CUEDC1: variants seen among roughly 807,000 people sequenced by gnomAD.
The protein encoded by CUEDC1 is CUE domain-containing protein 1.
In CUEDC1, 30 loss-of-function variants were observed where a neutral mutation model predicts 43.7. The ratio of observed to expected loss-of-function variants is 0.69; its 90% CI spans 0.51 to 0.93. CUEDC1 has a LOEUF of 0.93. Ranked by LOEUF, CUEDC1 falls within the 40% of genes least tolerant of loss-of-function variation. CUEDC1 has a pLI of 0.00. For missense variants in CUEDC1, 486 were observed against 549.0 expected (o/e 0.89, Z 1.15); for synonymous variants, 223 against 223.6 (o/e 1.00, Z 0.02).
At chr17:57,898,605 A>G (rs962198436) in intron 1 of CUEDC1, among the ~76,000 whole-genome samples, 1 of 152,204 alleles carries the variant, frequency 6.6e-6, no homozygotes, top group East Asian at 1.9e-4. Flanking sequence ...GGAAGCTGTC[A>G]GTCAGAGGCA....
At position 57,868,164 on chromosome 17, in the gene CUEDC1, C is replaced by T. The variant is rs1277833601; in HGVS notation, c.1020G>A (p.Leu340=). Residue 340 remains leucine (L), a synonymous_variant, in exon 8 of 11, where the codon TTG becomes TTA. Transcript: ENST00000577830. The part of the protein sequence containing the change: ...TKMRKSKRKH[L]LKHQSLGAAA... Reference sequence around the variant, plus strand: ...GGAAAGGATACGACTGATGCTTCAACAAGTGTTTCCTCTTTGACTTCCTCA... The same window carrying T: ...GGAAAGGATACGACTGATGCTTCAATAAGTGTTTCCTCTTTGACTTCCTCA... The T allele has an allele frequency of 1.2e-6, 2 of 1,614,120 alleles. No homozygotes were observed. Among genetic ancestry groups the T allele is most frequent in the Non-Finnish European group, 8.5e-7 (1 of 1,179,928 alleles).
chr17:57,938,212 C>T (rs1445694845), intron 1 of CUEDC1, among the ~76,000 whole-genome samples: 1 of 152,208 alleles, frequency 6.6e-6, no homozygotes, highest in African/African-American at 2.4e-5. Context: ...TCCGGCCTAA[C>T]ATCCTTTCTC....
intron 1 of CUEDC1, among the ~76,000 whole-genome samples, chr17:57,928,556 A>C (rs1306835512): frequency 6.6e-6 from 1 of 151,294 alleles, no homozygotes; most frequent in Non-Finnish European, 1.5e-5. Flanking sequence ...CAAAAAAAAA[A>C]AAAAAAAAGA....
At chr17:57,924,212 T>C (rs1382636057) in intron 1 of CUEDC1, among the ~76,000 whole-genome samples, 1 of 152,140 alleles carries the variant, frequency 6.6e-6, no homozygotes, top group Non-Finnish European at 1.5e-5. Context: ...TTCAAGCGAT[T>C]TTTATGCCTC....
intron 1 of CUEDC1, among the ~76,000 whole-genome samples, chr17:57,905,249 GACACAC>G (rs761744709): frequency 1.5e-3 from 193 of 128,006 alleles, no homozygotes; most frequent in Middle Eastern, 4.0e-3. Context: ...CTCTCTCTCT[GACACAC>G]ACACACACAC....
At chr17:57,903,236 C>T (rs2074493233) in intron 1 of CUEDC1, 1 of 152,512 alleles carries the variant, frequency 6.6e-6, no homozygotes, top group Non-Finnish European at 1.5e-5. Context: ...CACAGCAGTC[C>T]CAGGCCAGGA....
intron 3 of CUEDC1, among the ~76,000 whole-genome samples, 195 bp from the exon 4 acceptor site, chr17:57,873,912 G>A (rs2074073081): frequency 6.6e-6 from 1 of 152,180 alleles, no homozygotes; most frequent in Non-Finnish European, 1.5e-5. Context: ...GAACTCCCCA[G>A]CCATTCATGC....
chr17:57,865,992 T>G (rs1373716152), intron 10 of CUEDC1, among the ~76,000 whole-genome samples: 3 of 152,112 alleles, frequency 2.0e-5, no homozygotes, highest in Admixed American at 1.3e-4. Flanking sequence ...CAGGCTAATT[T>G]TTGTATTTTT....
At chr17:57,926,704 C>T (rs900413538) in intron 1 of CUEDC1, among the ~76,000 whole-genome samples, 4 of 152,160 alleles carry the variant, frequency 2.6e-5, no homozygotes, top group Admixed American at 2.0e-4. Context: ...TTAAGATGCA[C>T]GGGAAGTCAT....
rs974183893 is a variant in CUEDC1 at position 57,867,411 on chromosome 17, C to G, written c.1039G>C (p.Gly347Arg). The change falls in exon 9 of 11, where the codon GGG (glycine) becomes CGG (arginine). Residue 347 changes from glycine to arginine, a missense_variant. By Grantham distance (125) the Gly-to-Arg change is moderately radical. Transcript: ENST00000577830. ...RKHLLKHQSL[G>R]AAASTANLLD... Reference sequence around the variant, plus strand: ...AGGTTGGCTGTTGACGCGGCAGCCCCCAGCCTGCCAGGCCATTCAGGAAAA... The same window carrying G: ...AGGTTGGCTGTTGACGCGGCAGCCCGCAGCCTGCCAGGCCATTCAGGAAAA... 1.3e-6 allele frequency: 2 copies of G among 1,552,350 alleles called. No individual in the cohort carries two copies. The highest frequency in any genetic ancestry group is 2.7e-5 in the African/African-American group (2 of 73,108).
chr17:57,919,410 C>T (rs2074677878), intron 1 of CUEDC1, among the ~76,000 whole-genome samples: 1 of 152,130 alleles, frequency 6.6e-6, no homozygotes, highest in Non-Finnish European at 1.5e-5. Flanking sequence ...GAACTCCTGA[C>T]TTCAAGTGAT....
intron 1 of CUEDC1, among the ~76,000 whole-genome samples, chr17:57,904,253 G>A (rs3760165): frequency 0.14 from 21,487 of 152,068 alleles, 1,745 homozygotes; most frequent in African/African-American, 0.2. Flanking sequence ...CGTCTCCTAG[G>A]TGAGAAAAAC....
intron 10 of CUEDC1, among the ~76,000 whole-genome samples, chr17:57,865,526 C>T (rs1422240127): frequency 2.0e-5 from 3 of 152,242 alleles, no homozygotes; most frequent in Non-Finnish European, 4.4e-5. Context: ...AAACAAGTGG[C>T]TGGGGAAGGC....
rs563079675 is a variant in CUEDC1, at chr17:57,942,040, G to A, written c.-316+13185C>T. On this transcript the variant is annotated intron_variant, in intron 1 of 10. Transcript: ENST00000577830. ...GGAGTTCTCATGCAACCCCTTCTTC[G>A]GTGGCAGCCTTTACACTTCCCTGGG... Among the ~76,000 whole-genome samples, 32 of 152,272 alleles carry A rather than the reference G, an allele frequency of 2.1e-4. No individual in the cohort carries two copies. The South Asian group carries it at 2.5e-3, about 12-fold the overall frequency.
intron 1 of CUEDC1, among the ~76,000 whole-genome samples, chr17:57,944,316 T>C (rs2074942503): frequency 6.6e-6 from 1 of 151,618 alleles, no homozygotes; most frequent in South Asian, 2.1e-4. Flanking sequence ...GTTCAAGTGA[T>C]TCTCCTGCCT....
chr17:57,885,595 A>G lies in CUEDC1; in HGVS notation c.-31T>C. Reference sequence around the variant, plus strand: ...GGAGCCGCTTGGGGAAAATGTTTCTAGCCGGCCGCAAAGCCCCTTCCCCAG... The same window carrying G: ...GGAGCCGCTTGGGGAAAATGTTTCTGGCCGGCCGCAAAGCCCCTTCCCCAG... On this transcript the variant is annotated 5_prime_UTR_variant, in exon 2 of 11. Coordinates refer to ENST00000577830, the MANE Select transcript of CUEDC1 (RefSeq NM_001271875.2). 1 of 1,343,118 alleles carries G rather than the reference A, an allele frequency of 7.4e-7. No homozygotes were observed. 83.2% of individuals were successfully genotyped at this position (1,343,118 alleles called of 1,614,324 possible).
chr17:57,935,719 G>A (rs376601079), intron 1 of CUEDC1, among the ~76,000 whole-genome samples: 29 of 152,020 alleles, frequency 1.9e-4, no homozygotes, highest in Non-Finnish European at 2.8e-4. Context: ...CCATGGCCAC[G>A]GTCCACCTTG....
intron 1 of CUEDC1, among the ~76,000 whole-genome samples, chr17:57,928,484 G>A (rs367557309): frequency 6.9e-6 from 1 of 145,622 alleles, no homozygotes; most frequent in African/African-American, 2.6e-5. Flanking sequence ...AGAAGGTGGC[G>A]CTTACAGTGA....
chr17:57,905,293 C>CACACACACACACACACACACCCACA, intron 1 of CUEDC1, among the ~76,000 whole-genome samples: 1 of 150,842 alleles, frequency 6.6e-6, no homozygotes, highest in Non-Finnish European at 1.5e-5. Context: ...CACACACACT[C>CACACACACACACACACACACCCACA]CAGCCTGCTG....
Sources: allele counts gnomAD v4.1 joint callset (sites outside exome capture counted in the v4.1 genomes callset), GRCh38; gene constraint gnomAD v4.1.1; transcripts MANE v1.5; gene names NCBI Gene and HGNC (gene_info 2026-07-23, HGNC 2026-07-21).